Variants in PRELP observed in about 807,000 individuals in gnomAD.
PRELP encodes the protein prolargin.
PRELP carries 16 observed loss-of-function variants against 22.8 expected under a neutral mutation model. That is an observed-to-expected ratio of 0.70 (90% CI 0.47 to 1.06). The LOEUF is 1.06. Among genes scored for constraint, PRELP ranks in the 50% least tolerant of loss-of-function variants. PRELP has a pLI of 0.00. For synonymous variants in PRELP, 233 were observed against 211.4 expected (o/e 1.10, Z -0.89); for missense variants, 434 against 485.2 (o/e 0.89, Z 0.99).
At chr1:203,486,617 C>A in intron 2 of PRELP, 89 bp from the exon 3 acceptor site, 2 of 1,314,442 alleles carry the variant, frequency 1.5e-6, no homozygotes, top group Admixed American at 1.9e-5. Flanking sequence ...GTCTACAGTC[C>A]TTGCTCTCGG....
intron 1 of PRELP, among the ~76,000 whole-genome samples, chr1:203,478,737 G>A (rs1398252128): frequency 1.3e-5 from 2 of 152,058 alleles, no homozygotes; most frequent in Non-Finnish European, 2.9e-5. Flanking sequence ...TCCTCCCACT[G>A]CCCCAGGCAA....
chr1:203,486,660 C>A, intron 2 of PRELP, 46 bp from the exon 3 acceptor site: 2 of 1,548,614 alleles, frequency 1.3e-6, no homozygotes, highest in Middle Eastern at 1.7e-4. Context: ...TCATCTTGGC[C>A]GCCAGCCTCC....
At position 203,482,393 on chromosome 1, in the gene PRELP, C is replaced by T. The variant is rs59250282; in HGVS notation, c.-16-776C>T. The stretch of plus-strand genomic sequence containing the variant: ...TCCTGGGTTCAAGCGATTCTCCTGC[C>T]TCAGCCTCCCAAGTAGCTGAGATTA... On this transcript the variant is annotated intron_variant, in intron 1 of 2. Transcript: ENST00000343110. Among the ~76,000 whole-genome samples, 1,367 of 151,580 alleles carry T rather than the reference C, an allele frequency of 9.0e-3. 22 individuals carry two copies. The highest frequency in any genetic ancestry group is 0.032 in the African/African-American group (1,303 of 41,272).
chr1:203,485,509 G>C (rs1181101809), intron 2 of PRELP, among the ~76,000 whole-genome samples: 1 of 152,100 alleles, frequency 6.6e-6, no homozygotes, highest in Non-Finnish European at 1.5e-5. Context: ...GCTGCCACTG[G>C]TACTGTCTTT....
Position 203,483,111 on chromosome 1 carries a change from A to G in PRELP, c.-16-58A>G. ...TCTGCCCAACTCTGGCTTCAAAAAC[A>G]TGACAACTAGTTACTGAGGGCCCAA... On this transcript the variant is annotated intron_variant, in intron 1 of 2. Coordinates refer to ENST00000343110, the MANE Select transcript of PRELP (RefSeq NM_002725.4). This position sits in a 1 kb window ranked among gnomAD's most constrained non-coding sequence, Gnocchi z 4.4. 7.2e-7 allele frequency: 1 copy of G among 1,389,600 alleles called. No homozygotes were observed. 86.1% of individuals were successfully genotyped at this position (1,389,600 alleles called of 1,614,324 possible).
Position 203,486,632 on chromosome 1 carries a change from C to T in PRELP, c.974-74C>T, listed in dbSNP as rs1484870090. On this transcript the variant is annotated intron_variant, in intron 2 of 2. Transcript: ENST00000343110. ...GTCTACAGTCCTTGCTCTCGGGTGT[C>T]TTCCCCCTTCCCCTTCCTCATCTTG... 10 of 1,355,170 alleles carry T rather than the reference C, an allele frequency of 7.4e-6. No homozygotes were observed. In the East Asian group the frequency reaches 2.3e-4, roughly 32 times the overall value. 83.9% of individuals were successfully genotyped at this position (1,355,170 alleles called of 1,614,324 possible).
intron 1 of PRELP, among the ~76,000 whole-genome samples, chr1:203,477,858 G>A (rs1009657259): frequency 6.6e-6 from 1 of 152,228 alleles, no homozygotes; most frequent in African/African-American, 2.4e-5. Flanking sequence ...GAATTAGAAA[G>A]ACAGAACAAG....
intron 1 of PRELP, among the ~76,000 whole-genome samples, chr1:203,477,023 T>C (rs988011827): frequency 4.0e-5 from 6 of 151,392 alleles, no homozygotes; most frequent in African/African-American, 1.5e-4. Context: ...CCCCTGCTCA[T>C]TCCTCTCTAT....
intron 2 of PRELP, 71 bp downstream of exon 2, chr1:203,484,228 G>C (rs987542388): frequency 1.3e-6 from 2 of 1,549,196 alleles, no homozygotes; most frequent in Non-Finnish European, 1.7e-6. Flanking sequence ...ACCCTCTCTA[G>C]GGAGACTCAG....
chr1:203,479,607 A>C (rs2102205712), intron 1 of PRELP, among the ~76,000 whole-genome samples: 1 of 147,442 alleles, frequency 6.8e-6, no homozygotes, highest in South Asian at 2.3e-4. Flanking sequence ...GGACGCTGAG[A>C]TGGAAGGATC....
chr1:203,483,284 C>G lies in PRELP; in HGVS notation c.100C>G (p.Arg34Gly), dbSNP rs200674304. The G allele has an allele frequency of 7.4e-6, 12 of 1,613,620 alleles. No individual in the cohort carries two copies. The highest frequency in any genetic ancestry group is 1.7e-5 in the Admixed American group (1 of 60,008). Residue 34 changes from arginine to glycine, a missense_variant, in exon 2 of 3, where the codon CGC (arginine) becomes GGC (glycine). By Grantham distance (125) the Arg-to-Gly change is moderately radical. Transcript: ENST00000343110. This position sits in a 1 kb window ranked among gnomAD's most constrained non-coding sequence, Gnocchi z 4.4. Reference sequence around the variant, plus strand: ...ACCAAGACCCGGGACTGGGCCCGGGCGCAGACCCAGGCCCAGGCCCAGGCC... The same window carrying G: ...ACCAAGACCCGGGACTGGGCCCGGGGGCAGACCCAGGCCCAGGCCCAGGCC... ...RRPRPGTGPG[R>G]RPRPRPRPTP... is the part of the protein sequence containing the mutation.
At chr1:203,480,474 C>T (rs755836126) in intron 1 of PRELP, among the ~76,000 whole-genome samples, 4 of 152,224 alleles carry the variant, frequency 2.6e-5, no homozygotes, top group Non-Finnish European at 4.4e-5. Context: ...CAGGTACCCT[C>T]AGTCTGTCAC....
chr1:203,484,797 A>T (rs1661065602), intron 2 of PRELP, among the ~76,000 whole-genome samples: 1 of 152,142 alleles, frequency 6.6e-6, no homozygotes, highest in Admixed American at 6.5e-5. Flanking sequence ...AGTGACATTT[A>T]CAGGGTTCTG....
chr1:203,478,903 G>A (rs1432836869), intron 1 of PRELP, among the ~76,000 whole-genome samples: 1 of 152,136 alleles, frequency 6.6e-6, no homozygotes, highest in Non-Finnish European at 1.5e-5. Flanking sequence ...CTCATAAATT[G>A]GCAAAGACTG....
Position 203,491,142 on chromosome 1 carries a change from CTCCTGGCTCA to C in PRELP, c.*4272_*4281del, listed in dbSNP as rs1661184756. The stretch of plus-strand genomic sequence containing the variant: ...ATGACATTACCTTGTGAAATTCCTT[CTCCTGGCTCA>C]TCCTGGCTCAAAAGCTCCCCCACTG... On this transcript the variant is annotated 3_prime_UTR_variant, in exon 3 of 3. Coordinates refer to ENST00000343110, the MANE Select transcript of PRELP (RefSeq NM_002725.4). The surrounding 1 kb of genome is among the most constrained non-coding windows in gnomAD (Gnocchi z 4.4). 1 of 152,226 alleles carries C rather than the reference CTCCTGGCTCA, an allele frequency of 6.6e-6. No homozygotes were observed. The highest frequency in any genetic ancestry group is 2.4e-5 in the African/African-American group (1 of 41,446). The allele number at this position is 152,226 out of a possible 1,614,324, so 9.4% of individuals were successfully genotyped here. A position where few individuals can be genotyped will look rare whatever the true frequency, so the allele number is the denominator to read the frequency against.
At position 203,486,970 on chromosome 1, in the gene PRELP, T is replaced by C. The variant is rs1050083; in HGVS notation, c.*89T>C. The C allele has an allele frequency of 0.12, 169,755 of 1,362,550 alleles. 11,774 individuals are homozygous for C. Among genetic ancestry groups the C allele is most frequent in the East Asian group, 0.28 (10,869 of 38,612 alleles). 84.4% of individuals were successfully genotyped at this position (1,362,550 alleles called of 1,614,324 possible). A position where few individuals can be genotyped will look rare whatever the true frequency, so the allele number is the denominator to read the frequency against. ...CGGCCATTCGTTTTCTCTCTCTCCC[T>C]TTCTTTCTCCCAGCTTTGCCTCCCT... is the stretch of plus-strand genomic sequence containing the variant. On this transcript the variant is annotated 3_prime_UTR_variant, in exon 3 of 3. Coordinates refer to ENST00000343110, the MANE Select transcript of PRELP (RefSeq NM_002725.4).
At chr1:203,480,416 G>T (rs750064332) in intron 1 of PRELP, among the ~76,000 whole-genome samples, 1 of 152,228 alleles carries the variant, frequency 6.6e-6, no homozygotes, top group Non-Finnish European at 1.5e-5. Flanking sequence ...GGAGCATAGA[G>T]TGTGGGTCTG....
At position 203,488,526 on chromosome 1, in the gene PRELP, G is replaced by GAA; in HGVS notation, c.*1654_*1655dup. ...CAGAGTGAGACTCCGTCTCAAAAAA[G>GAA]AAAAAAAAAAGATGCTCCTCTGAGG... On this transcript the variant is annotated 3_prime_UTR_variant, in exon 3 of 3. Coordinates refer to ENST00000343110, the MANE Select transcript of PRELP (RefSeq NM_002725.4). 1 of 148,116 alleles carries GAA rather than the reference G, an allele frequency of 6.8e-6. No homozygotes were observed. The highest frequency in any genetic ancestry group is 2.0e-4 in the East Asian group (1 of 5,122). The allele number at this position is 148,116 out of a possible 1,614,324, so 9.2% of individuals were successfully genotyped here.
At chr1:203,480,804 G>A (rs969183142) in intron 1 of PRELP, among the ~76,000 whole-genome samples, 1 of 152,240 alleles carries the variant, frequency 6.6e-6, no homozygotes, top group African/African-American at 2.4e-5. Context: ...TAGGCCCAGA[G>A]GTTTGGAATG....
Sources: allele counts gnomAD v4.1 joint callset (sites outside exome capture counted in the v4.1 genomes callset), GRCh38; gene constraint gnomAD v4.1.1; non-coding constraint Gnocchi (gnomAD v3.1); transcripts MANE v1.5; gene names NCBI Gene and HGNC (gene_info 2026-07-23, HGNC 2026-07-21).